Variants in TUNAR observed in about 807,000 individuals in gnomAD.
The protein encoded by TUNAR is protein TUNAR.
At chr14:95,890,175 C>G (rs926886842) in intron 2 of TUNAR, among the ~76,000 whole-genome samples, 10 of 152,112 alleles carry the variant, frequency 6.6e-5, no homozygotes, top group African/African-American at 2.2e-4. Flanking sequence ...ATTGGCATTT[C>G]ATGGAAATCG....
intron 2 of TUNAR, among the ~76,000 whole-genome samples, chr14:95,889,229 A>G (rs1324663712): frequency 1.3e-5 from 2 of 151,936 alleles, no homozygotes; most frequent in East Asian, 3.9e-4. Context: ...TTCTGTTTTC[A>G]TGGGCCTCTT....
At chr14:95,877,717 T>C (rs560956842) in intron 2 of TUNAR, among the ~76,000 whole-genome samples, 1 of 152,322 alleles carries the variant, frequency 6.6e-6, no homozygotes, top group East Asian at 1.9e-4. Flanking sequence ...TTTCTTCTAC[T>C]AACTGCTTCC....
chr14:95,890,148 A>AT (rs1009575436), intron 2 of TUNAR, among the ~76,000 whole-genome samples: 36 of 151,510 alleles, frequency 2.4e-4, no homozygotes, highest in Admixed American at 7.2e-4. Flanking sequence ...GCAATGGGAG[A>AT]TTTTTTTTTA....
At chr14:95,897,740 T>C (rs1227896725) in intron 2 of TUNAR, among the ~76,000 whole-genome samples, 1 of 152,204 alleles carries the variant, frequency 6.6e-6, no homozygotes, top group African/African-American at 2.4e-5. Context: ...CTTGAGTGGG[T>C]TCTCCCGCCT....
Position 95,880,965 on chromosome 14 carries a change from C to T in TUNAR, c.12+3788C>T, listed in dbSNP as rs34292239. Among the ~76,000 whole-genome samples the T allele has an allele frequency of 4.5e-3, 685 of 152,274 alleles. 4 individuals are homozygous for T. Among genetic ancestry groups the T allele is most frequent in the Non-Finnish European group, 6.9e-3 (467 of 68,014 alleles). On this transcript the variant is annotated intron_variant, in intron 2 of 2. Transcript: ENST00000678517. ...AGAGAGCTGAAGTGTCTTTCTTAGT[C>T]TCTAATAATTATCGAATGGCAGAAC...
intron 2 of TUNAR, among the ~76,000 whole-genome samples, chr14:95,922,053 C>T (rs1243159717): frequency 6.6e-6 from 1 of 152,220 alleles, no homozygotes; most frequent in African/African-American, 2.4e-5. Context: ...GTCCTGTGTC[C>T]ATGCCTCCAG....
chr14:95,892,351 C>T (rs11848623), intron 2 of TUNAR, among the ~76,000 whole-genome samples: 6,295 of 152,324 alleles, frequency 0.041, 429 homozygotes, highest in African/African-American at 0.14. Flanking sequence ...CGGATTGTGC[C>T]GCTTTCGCAT....
chr14:95,925,161 G>T (rs1283393722), exon 3 of TUNAR: 1 of 152,230 alleles, frequency 6.6e-6, no homozygotes, highest in Non-Finnish European at 1.5e-5. Flanking sequence ...GTGAGAGAGG[G>T]AGTCTTTTCT....
intron 2 of TUNAR, among the ~76,000 whole-genome samples, chr14:95,891,391 C>A (rs1401245297): frequency 2.0e-5 from 3 of 152,190 alleles, no homozygotes; most frequent in African/African-American, 7.2e-5. Flanking sequence ...ATAATTTTCG[C>A]CCTCTCTCCA....
At chr14:95,890,987 A>G (rs372824654) in intron 2 of TUNAR, among the ~76,000 whole-genome samples, 3 of 152,204 alleles carry the variant, frequency 2.0e-5, no homozygotes, top group Admixed American at 2.0e-4. Context: ...CAACCCAGAC[A>G]GCAGCAGAAA....
At chr14:95,899,580 T>C (rs925426271) in intron 2 of TUNAR, among the ~76,000 whole-genome samples, 1 of 152,214 alleles carries the variant, frequency 6.6e-6, no homozygotes, top group Admixed American at 6.5e-5. Flanking sequence ...CACATTTATT[T>C]CTCACAGTTC....
At chr14:95,919,337 T>A (rs766029053) in intron 2 of TUNAR, among the ~76,000 whole-genome samples, 82 of 152,332 alleles carry the variant, frequency 5.4e-4, no homozygotes, top group Non-Finnish European at 9.6e-4. Context: ...GAATTTTACA[T>A]TAAAAGAGAA....
chr14:95,885,341 C>G (rs187140463), intron 2 of TUNAR, among the ~76,000 whole-genome samples: 1 of 152,312 alleles, frequency 6.6e-6, no homozygotes, highest in East Asian at 1.9e-4. Context: ...GAGATGTTCC[C>G]TGCCTTTTAT....
At chr14:95,888,470 G>T (rs934316203) in intron 2 of TUNAR, among the ~76,000 whole-genome samples, 1 of 152,190 alleles carries the variant, frequency 6.6e-6, no homozygotes, top group Non-Finnish European at 1.5e-5. Context: ...ATGTGAGGTT[G>T]CAGTCAGACT....
At chr14:95,921,398 C>T (rs749660112) in intron 2 of TUNAR, among the ~76,000 whole-genome samples, 17 of 152,290 alleles carry the variant, frequency 1.1e-4, no homozygotes, top group African/African-American at 2.4e-4. Context: ...CACAAGTGGA[C>T]GGGCTGCCAC....
chr14:95,922,182 A>G (rs1385467736), intron 2 of TUNAR, among the ~76,000 whole-genome samples: 2 of 152,164 alleles, frequency 1.3e-5, no homozygotes, highest in Non-Finnish European at 2.9e-5. Flanking sequence ...GATTGTAGCA[A>G]TATCTGTTTC....
At chr14:95,924,447 A>C (rs1037121407) in exon 3 of TUNAR, 2 of 152,140 alleles carry the variant, frequency 1.3e-5, no homozygotes, top group African/African-American at 4.8e-5. Flanking sequence ...CCTTAAAGAG[A>C]GGGTTAGTAT....
At chr14:95,899,387 G>A (rs189644132) in intron 2 of TUNAR, among the ~76,000 whole-genome samples, 1 of 152,290 alleles carries the variant, frequency 6.6e-6, no homozygotes, top group Admixed American at 6.5e-5. Flanking sequence ...CTCTGAGATG[G>A]GGACCACAGT....
chr14:95,922,446 C>G (rs1209492967), intron 2 of TUNAR, among the ~76,000 whole-genome samples: 1 of 152,182 alleles, frequency 6.6e-6, no homozygotes, highest in African/African-American at 2.4e-5. Flanking sequence ...ATGGAGGGCA[C>G]AGACTTTAGT....
Sources: allele counts gnomAD v4.1 joint callset (sites outside exome capture counted in the v4.1 genomes callset), GRCh38; gene constraint gnomAD v4.1.1; transcripts MANE v1.5; gene names NCBI Gene and HGNC (gene_info 2026-07-23, HGNC 2026-07-21).